IGF2R: variants seen among roughly 807,000 people sequenced by gnomAD.
IGF2R encodes the protein insulin like growth factor 2 receptor.
In IGF2R, 91 loss-of-function variants were observed where a neutral mutation model predicts 270.6. The ratio of observed to expected loss-of-function variants is 0.34; its 90% CI spans 0.28 to 0.40. The LOEUF (loss-of-function observed/expected upper bound fraction) is 0.40, where lower values mean the gene tolerates loss of function less well. IGF2R is among the 10% of genes least tolerant of loss of function. IGF2R has a pLI of 1.00. For missense variants in IGF2R, 2,805 were observed against 3,188.3 expected (o/e 0.88, Z 2.90); for synonymous variants, 1,316 against 1,258.9 (o/e 1.05, Z -0.96).
At chr6:160,014,905 G>A (rs893888842) in intron 4 of IGF2R, among the ~76,000 whole-genome samples, 1 of 152,196 alleles carries the variant, frequency 6.6e-6, no homozygotes, top group African/African-American at 2.4e-5. Context: ...GAGCACTAGA[G>A]GTTCTAACTT....
At position 160,104,941 on chromosome 6, in the gene IGF2R, G is replaced by A. The variant is rs1779580459; in HGVS notation, c.7333G>A (p.Glu2445Lys). 6.2e-7 allele frequency: 1 copy of A among 1,614,152 alleles called. No homozygotes were observed. Among genetic ancestry groups the A allele is most frequent in the East Asian group, 2.2e-5 (1 of 44,868 alleles). ...AAACGCACAGAGCAATGCCCTTCAG[G>A]AGCGTGAGGACGATAGGGTGGGGCT... ...VRNAQSNALQ[E>K]REDDRVGLVR... The change falls in exon 48 of 48, where the codon GAG becomes AAG. Residue 2445 changes from glutamate (E) to lysine (K), a missense_variant. By Grantham distance (56) the Glu-to-Lys change is moderately conservative. This residue lies in a region of IGF2R where 1,851 missense variants were observed against 2,207.2 expected (regional missense o/e 0.84). Coordinates refer to ENST00000356956, the MANE Select transcript of IGF2R (RefSeq NM_000876.4).
chr6:160,104,050 G>C (rs1681526801), intron 47 of IGF2R, among the ~76,000 whole-genome samples: 1 of 151,840 alleles, frequency 6.6e-6, no homozygotes, highest in Non-Finnish European at 1.5e-5. Flanking sequence ...TTAATAATTA[G>C]GTTGTTTCCA....
intron 11 of IGF2R, 129 bp from the exon 12 acceptor site, chr6:160,043,019 G>A (rs181901579): frequency 5.7e-5 from 53 of 923,060 alleles, no homozygotes; most frequent in African/African-American, 5.2e-4. Flanking sequence ...CAGAAACAGC[G>A]CTGGGGATTG....
At chr6:160,089,545 A>G (rs927001780) in intron 43 of IGF2R, among the ~76,000 whole-genome samples, 7 of 152,250 alleles carry the variant, frequency 4.6e-5, no homozygotes, top group African/African-American at 7.2e-5. Flanking sequence ...ATGTTTGAGC[A>G]GGAATCTTCT....
chr6:160,097,463 G>T (rs1486680178), intron 45 of IGF2R, among the ~76,000 whole-genome samples: 1 of 152,172 alleles, frequency 6.6e-6, no homozygotes, highest in Non-Finnish European at 1.5e-5. Context: ...CCAAGTAGCT[G>T]GGATTGCAGG....
intron 12 of IGF2R, 99 bp downstream of exon 12, chr6:160,043,387 C>T: frequency 5.3e-6 from 7 of 1,316,646 alleles, no homozygotes; most frequent in Non-Finnish European, 7.3e-6. Flanking sequence ...TAAGCCTCCT[C>T]TTTCTATAAT....
intron 1 of IGF2R, among the ~76,000 whole-genome samples, chr6:159,982,866 A>G (rs533643900): frequency 6.6e-6 from 1 of 152,332 alleles, no homozygotes; most frequent in East Asian, 1.9e-4. Context: ...CATACCATAT[A>G]TTTTGATCAT....
chr6:160,079,124 C>T (rs886526612), intron 37 of IGF2R, among the ~76,000 whole-genome samples: 38 of 152,188 alleles, frequency 2.5e-4, no homozygotes, highest in African/African-American at 7.0e-4. Flanking sequence ...CAGGTCCTCC[C>T]GACAGGTGTG....
chr6:159,986,244 T>C (rs1197355527), intron 1 of IGF2R, among the ~76,000 whole-genome samples: 5 of 151,650 alleles, frequency 3.3e-5, no homozygotes, highest in Admixed American at 2.0e-4. Context: ...TTTTTTTTTT[T>C]TTTTTGAGAT....
rs201971089 is a variant in IGF2R, at chr6:160,096,640, C to T, written c.6842+15C>T. 1,065 of 1,596,180 alleles carry T rather than the reference C, an allele frequency of 6.7e-4. 2 individuals carry two copies. The Middle Eastern group carries it at 9.7e-3, about 15-fold the overall frequency. ...TGTCCTCTGGGGTGAGTATGACATC[C>T]GGAAGCTTAGCACTTGTACCCCACA... On this transcript the variant is annotated intron_variant, in intron 45 of 47. Transcript: ENST00000356956.
intron 44 of IGF2R, among the ~76,000 whole-genome samples, chr6:160,091,603 T>G (rs570726918): frequency 6.6e-6 from 1 of 152,226 alleles, no homozygotes; most frequent in Non-Finnish European, 1.5e-5. Flanking sequence ...TCAGCCTCAT[T>G]CACTTGCATA....
rs932385120 is a variant in IGF2R at position 160,102,166 on chromosome 6, C to G, written c.6843-353C>G. Among the ~76,000 whole-genome samples the G allele has an allele frequency of 6.6e-6, 1 of 152,188 alleles. No homozygotes were observed. The highest frequency in any genetic ancestry group is 2.4e-5 in the African/African-American group (1 of 41,450). ...GACCCTGGAGAGAAGTGTGGTGCTT[C>G]GGGACAGCCTCTGCCCCAGCCTAGT... On this transcript the variant is annotated intron_variant, in intron 45 of 47. Coordinates refer to ENST00000356956, the MANE Select transcript of IGF2R (RefSeq NM_000876.4). This position sits in a 1 kb window ranked among gnomAD's most constrained non-coding sequence, Gnocchi z 4.5.
At position 160,084,100 on chromosome 6, in the gene IGF2R, A is replaced by C; in HGVS notation, c.5984A>C (p.Lys1995Thr). Residue 1995 changes from lysine (K) to threonine (T), a missense_variant, in exon 40 of 48, where the codon AAA becomes ACA. Transcript: ENST00000356956. This position sits in a 1 kb window ranked among gnomAD's most constrained non-coding sequence, Gnocchi z 4.6. ...VVCPPKKLEC[K>T]FVQKHKTYDL... Reference sequence around the variant, plus strand: ...TGCCCTCCAAAGAAGTTGGAGTGCAAATTCGTCCAGAAACACAAAACCTAC... The same window carrying C: ...TGCCCTCCAAAGAAGTTGGAGTGCACATTCGTCCAGAAACACAAAACCTAC... 1.9e-6 allele frequency: 3 copies of C among 1,614,120 alleles called. No homozygotes were observed. Among genetic ancestry groups the C allele is most frequent in the Non-Finnish European group, 2.5e-6 (3 of 1,180,000 alleles).
intron 2 of IGF2R, among the ~76,000 whole-genome samples, chr6:159,993,034 T>C (rs1184159755): frequency 6.6e-6 from 1 of 152,230 alleles, no homozygotes; most frequent in Admixed American, 6.5e-5. Flanking sequence ...TACATATGCT[T>C]GTTGGCCATT....
At position 160,071,937 on chromosome 6, in the gene IGF2R, G is replaced by A. The variant is rs761398978; in HGVS notation, c.4471G>A (p.Val1491Met). 1.3e-5 allele frequency: 21 copies of A among 1,614,166 alleles called. No homozygotes were observed. The highest frequency in any genetic ancestry group is 4.5e-5 in the East Asian group (2 of 44,884). The change falls in exon 32 of 48, where the codon GTG (valine) becomes ATG (methionine). Residue 1491 changes from valine (V) to methionine (M), a missense_variant. Physicochemically the swap from Val to Met is conservative, Grantham distance 21. Coordinates refer to ENST00000356956, the MANE Select transcript of IGF2R (RefSeq NM_000876.4). ...CTCCAGGCCCATGTTCATCAGCGCC[G>A]TGGAGGACTGTGAGTACACCTTTGC... Reference protein sequence around the residue: ...VNSRPMFISAVEDCEYTFAWP... With the variant: ...VNSRPMFISAMEDCEYTFAWP...
At chr6:160,089,655 G>C (rs1438748075) in intron 43 of IGF2R, among the ~76,000 whole-genome samples, 1 of 152,270 alleles carries the variant, frequency 6.6e-6, no homozygotes, top group Non-Finnish European at 1.5e-5. Context: ...GGGCCGTGTG[G>C]TGCTGGATAC....
At chr6:159,991,487 C>G (rs1230074232) in intron 2 of IGF2R, among the ~76,000 whole-genome samples, 164 bp downstream of exon 2, 1 of 152,160 alleles carries the variant, frequency 6.6e-6, no homozygotes, top group Non-Finnish European at 1.5e-5. Flanking sequence ...GTTAAAAATG[C>G]TAACGGTTTG....
intron 37 of IGF2R, among the ~76,000 whole-genome samples, chr6:160,078,879 G>A (rs935714884): frequency 2.0e-5 from 3 of 152,202 alleles, no homozygotes; most frequent in Non-Finnish European, 4.4e-5. Flanking sequence ...CAGAGCCCTG[G>A]CGTGTGCTGA....
At chr6:159,979,084 G>A (rs1455241761) in intron 1 of IGF2R, among the ~76,000 whole-genome samples, 2 of 152,190 alleles carry the variant, frequency 1.3e-5, no homozygotes, top group Non-Finnish European at 2.9e-5. Context: ...AAGGCCAGGA[G>A]GGTCTTGCTG....
Sources: gnomAD v4.1 joint callset for allele counts (sites outside exome capture counted in the v4.1 genomes callset) on GRCh38, gnomAD v4.1.1 for gene constraint, gnomAD v4.1.1 regional missense constraint, Gnocchi (gnomAD v3.1) non-coding constraint, MANE v1.5 for transcripts, NCBI Gene and HGNC (gene_info 2026-07-23, HGNC 2026-07-21) for gene names.